The following ZNF804B variants were observed in gnomAD, a reference collection of about 807,000 sequenced individuals.
ZNF804B encodes zinc finger 804B.
A neutral mutation model predicts 101.4 loss-of-function variants in ZNF804B; 80 were observed. The observed-to-expected ratio is 0.79, with a 90% CI of 0.66 to 0.95. The LOEUF (loss-of-function observed/expected upper bound fraction) is 0.95. ZNF804B is among the 40% of genes least tolerant of loss of function. The pLI is 0.00. For synonymous variants in ZNF804B, 622 were observed against 558.8 expected (o/e 1.11, Z -1.59); for missense variants, 1,673 against 1,561.9 (o/e 1.07, Z -1.20).
intron 1 of ZNF804B, among the ~76,000 whole-genome samples, chr7:89,005,220 G>A (rs1193395303): frequency 1.3e-5 from 2 of 151,870 alleles, no homozygotes; most frequent in Non-Finnish European, 2.9e-5. Context: ...ATTCTGTAAG[G>A]AGCATTATTT....
intron 1 of ZNF804B, among the ~76,000 whole-genome samples, chr7:88,848,636 T>G (rs1050681404): frequency 6.6e-6 from 1 of 151,618 alleles, no homozygotes; most frequent in Non-Finnish European, 1.5e-5. Context: ...TTTTTTTTTT[T>G]TTTAAAAAAC....
intron 1 of ZNF804B, among the ~76,000 whole-genome samples, chr7:88,867,957 A>T (rs982521592): frequency 6.6e-6 from 1 of 152,074 alleles, no homozygotes; most frequent in African/African-American, 2.4e-5. Flanking sequence ...ACTGCTGGTT[A>T]TACTAATATA....
chr7:89,087,091 G>C (rs1241169997), intron 1 of ZNF804B, among the ~76,000 whole-genome samples: 1 of 150,302 alleles, frequency 6.7e-6, no homozygotes, highest in African/African-American at 2.4e-5. Flanking sequence ...CACAATTTTC[G>C]AAGGACTCAG....
intron 2 of ZNF804B, among the ~76,000 whole-genome samples, chr7:89,265,293 T>TGTGTGCGCGC (rs1296992270): frequency 1.7e-5 from 2 of 120,536 alleles, no homozygotes; most frequent in Admixed American, 9.0e-5. Context: ...TGTGTGTGTG[T>TGTGTGCGCGC]GCGCGTGCGC....
At chr7:88,786,718 T>C (rs1790308121) in intron 1 of ZNF804B, among the ~76,000 whole-genome samples, 1 of 152,128 alleles carries the variant, frequency 6.6e-6, no homozygotes, top group South Asian at 2.1e-4. Flanking sequence ...GAAGGAGCAA[T>C]TTTTGCTTGA....
At chr7:89,060,910 T>C (rs1021323384) in intron 1 of ZNF804B, among the ~76,000 whole-genome samples, 5 of 152,178 alleles carry the variant, frequency 3.3e-5, no homozygotes, top group Admixed American at 2.0e-4. Flanking sequence ...CCTGGCTTTA[T>C]TGGCAACTGC....
At chr7:89,218,022 C>T in intron 1 of ZNF804B, 133 bp from the exon 2 acceptor site, 1 of 830,742 alleles carries the variant, frequency 1.2e-6, no homozygotes, top group Non-Finnish European at 1.8e-6. Context: ...GTTATTCTCA[C>T]AGTGTCATGA....
At chr7:89,156,016 TTTCCTTTCTTTCTTTC>T (rs1159194493) in intron 1 of ZNF804B, among the ~76,000 whole-genome samples, 2 of 84,044 alleles carry the variant, frequency 2.4e-5, no homozygotes, top group African/African-American at 8.1e-5. Flanking sequence ...TCTTTCTCTC[TTTCCTTTCTTTCTTTC>T]TTTCTTTCTT....
At chr7:89,041,052 G>A (rs1480048020) in intron 1 of ZNF804B, among the ~76,000 whole-genome samples, 2 of 151,264 alleles carry the variant, frequency 1.3e-5, no homozygotes, top group Non-Finnish European at 3.0e-5. Flanking sequence ...GGGTAGGCCT[G>A]AACCCTGGGT....
chr7:89,303,299 T>C (rs536035233), intron 2 of ZNF804B, among the ~76,000 whole-genome samples: 155 of 152,088 alleles, frequency 1.0e-3, no homozygotes, highest in African/African-American at 3.4e-3. Context: ...CATAGTTGTA[T>C]TTTTTGAAAC....
At chr7:89,144,002 G>A (rs117761052) in intron 1 of ZNF804B, among the ~76,000 whole-genome samples, 19 of 151,886 alleles carry the variant, frequency 1.3e-4, no homozygotes, top group Non-Finnish European at 2.8e-4. Context: ...TATTACACCC[G>A]TCTCCTTTTC....
At position 88,804,963 on chromosome 7, in the gene ZNF804B, A is replaced by C. The variant is rs374729593; in HGVS notation, c.108+44879A>C. Reference sequence around the variant, plus strand: ...GTTGCCGAAAAATGTGTACTCATGAAATACTAAAACAGGGAGATAATATTT... The same window carrying C: ...GTTGCCGAAAAATGTGTACTCATGACATACTAAAACAGGGAGATAATATTT... On this transcript the variant is annotated intron_variant, in intron 1 of 3. Coordinates refer to ENST00000333190, the MANE Select transcript of ZNF804B (RefSeq NM_181646.5). Among the ~76,000 whole-genome samples, 82 of 152,302 alleles carry C rather than the reference A, an allele frequency of 5.4e-4. No homozygotes were observed. The South Asian group carries it at 0.017, about 32-fold the overall frequency.
At chr7:89,115,769 T>A (rs1436805950) in intron 1 of ZNF804B, among the ~76,000 whole-genome samples, 1 of 152,216 alleles carries the variant, frequency 6.6e-6, no homozygotes, top group Non-Finnish European at 1.5e-5. Context: ...AAATGATAGT[T>A]CTTTGTAGTT....
At chr7:88,953,357 A>C (rs891479761) in intron 1 of ZNF804B, among the ~76,000 whole-genome samples, 3 of 151,764 alleles carry the variant, frequency 2.0e-5, no homozygotes, top group African/African-American at 7.3e-5. Flanking sequence ...ACTTTCTCAG[A>C]TAGACCTCCC....
chr7:88,817,084 G>A (rs1176457495), intron 1 of ZNF804B, among the ~76,000 whole-genome samples: 1 of 152,086 alleles, frequency 6.6e-6, no homozygotes, highest in Non-Finnish European at 1.5e-5. Flanking sequence ...CCTTTGTAGG[G>A]ACATGGATGA....
chr7:89,038,835 T>G (rs1788968111), intron 1 of ZNF804B, among the ~76,000 whole-genome samples: 2 of 152,102 alleles, frequency 1.3e-5, no homozygotes, highest in Admixed American at 1.3e-4. Context: ...GATTTTTGTA[T>G]ATGATGTGAT....
intron 1 of ZNF804B, among the ~76,000 whole-genome samples, chr7:88,777,399 G>A (rs1790158289): frequency 6.6e-6 from 1 of 152,202 alleles, no homozygotes; most frequent in Admixed American, 6.5e-5. Context: ...CCAGAGACCA[G>A]CTAGCAAGGG....
At chr7:89,179,266 A>G (rs1241326606) in intron 1 of ZNF804B, among the ~76,000 whole-genome samples, 2 of 152,140 alleles carry the variant, frequency 1.3e-5, no homozygotes. Flanking sequence ...CAATCTCTCT[A>G]CTTCCACTGT....
intron 1 of ZNF804B, among the ~76,000 whole-genome samples, chr7:89,050,461 G>A (rs192568190): frequency 6.6e-6 from 1 of 152,138 alleles, no homozygotes; most frequent in African/African-American, 2.4e-5. Context: ...TTGCTGTATG[G>A]TTAGTGGTTT....
Sources: allele counts gnomAD v4.1 joint callset (sites outside exome capture counted in the v4.1 genomes callset), GRCh38; gene constraint gnomAD v4.1.1; transcripts MANE v1.5; gene names NCBI Gene and HGNC (gene_info 2026-07-23, HGNC 2026-07-21).